The following TENM4 variants were observed in gnomAD, a reference collection of about 807,000 sequenced individuals.
TENM4 encodes the protein teneurin transmembrane protein 4.
In TENM4, 82 loss-of-function variants were observed where a neutral mutation model predicts 243.3. The observed-to-expected ratio is 0.34, with a 90% CI of 0.28 to 0.40. The LOEUF is 0.40. Among genes scored for constraint, TENM4 ranks in the 10% least tolerant of loss-of-function variants. The pLI is 1.00. For synonymous variants in TENM4, 1,412 were observed against 1,456.3 expected (o/e 0.97, Z 0.69); for missense variants, 3,138 against 3,673.3 (o/e 0.85, Z 3.77).
At chr11:78,708,706 G>C (rs990567610) in intron 26 of TENM4, among the ~76,000 whole-genome samples, 191 bp from the exon 27 acceptor site, 1 of 152,100 alleles carries the variant, frequency 6.6e-6, no homozygotes, top group Non-Finnish European at 1.5e-5. Flanking sequence ...TCAAAGCAGG[G>C]ATTAGAACTT....
At chr11:79,173,826 C>T (rs1312279589) in intron 3 of TENM4, among the ~76,000 whole-genome samples, 1 of 152,158 alleles carries the variant, frequency 6.6e-6, no homozygotes, top group Non-Finnish European at 1.5e-5. Context: ...ACAGTGAAAA[C>T]TGAAGTACAA....
chr11:79,357,257 C>T (rs1372514916), intron 1 of TENM4, among the ~76,000 whole-genome samples: 1 of 152,208 alleles, frequency 6.6e-6, no homozygotes, highest in Non-Finnish European at 1.5e-5. Flanking sequence ...GCATGATCTC[C>T]AATGCTACAC....
At chr11:79,123,615 T>TTA (rs55740742) in intron 4 of TENM4, among the ~76,000 whole-genome samples, 17 of 150,400 alleles carry the variant, frequency 1.1e-4, no homozygotes, top group African/African-American at 3.2e-4. Flanking sequence ...TTTTTTTTTT[T>TTA]ATTAAGAATT....
chr11:79,110,105 C>T (rs1279957350), intron 4 of TENM4, among the ~76,000 whole-genome samples: 8 of 152,202 alleles, frequency 5.3e-5, no homozygotes, highest in Non-Finnish European at 8.8e-5. Flanking sequence ...TCACCCTTTT[C>T]GTAGAAACAA....
At chr11:79,008,527 C>T (rs1279297345) in intron 6 of TENM4, among the ~76,000 whole-genome samples, 2 of 152,206 alleles carry the variant, frequency 1.3e-5, no homozygotes, top group South Asian at 4.1e-4. Context: ...CAGTTTTATA[C>T]CTTTTGCTTA....
At chr11:78,849,041 CT>C (rs2136191960) in intron 12 of TENM4, among the ~76,000 whole-genome samples, 1 of 152,314 alleles carries the variant, frequency 6.6e-6, no homozygotes, top group South Asian at 2.1e-4. Context: ...TTTCTTTTCT[CT>C]AGGTTTCTAA....
chr11:78,934,161 G>A (rs968497626), intron 6 of TENM4, among the ~76,000 whole-genome samples: 3 of 152,212 alleles, frequency 2.0e-5, no homozygotes, highest in African/African-American at 7.2e-5. Context: ...AGATCCTGCA[G>A]AAAGACAGAG....
chr11:78,960,412 T>G (rs1443985998), intron 6 of TENM4, among the ~76,000 whole-genome samples: 1 of 152,162 alleles, frequency 6.6e-6, no homozygotes, highest in South Asian at 2.1e-4. Context: ...GGGTAGGTAA[T>G]GACCGCCCTT....
At chr11:79,160,281 G>A (rs1234785229) in intron 3 of TENM4, among the ~76,000 whole-genome samples, 6 of 152,174 alleles carry the variant, frequency 3.9e-5, no homozygotes, top group Non-Finnish European at 7.4e-5. Context: ...AGAAACTGAT[G>A]TTCTTGTAAT....
chr11:79,010,139 G>C (rs1395077099), intron 6 of TENM4, among the ~76,000 whole-genome samples: 1 of 152,022 alleles, frequency 6.6e-6, no homozygotes, highest in African/African-American at 2.4e-5. Context: ...CCCAGTTTTG[G>C]GTATGTCTTT....
rs554543546 is a variant in TENM4, at chr11:79,148,351, G to A, written c.-66+359C>T. Among the ~76,000 whole-genome samples, 11 of 152,188 alleles carry A rather than the reference G, an allele frequency of 7.2e-5. No homozygotes were observed. The South Asian group carries it at 2.1e-3, about 29-fold the overall frequency. On this transcript the variant is annotated intron_variant, in intron 4 of 33. Transcript: ENST00000278550. ...TGGGAGAGCTCTACAAAAATCCTAA[G>A]TGTGGGGAGATACCAACCTCCAAAC...
Position 78,662,310 on chromosome 11 carries a change from C to T in TENM4, c.7409-719G>A, listed in dbSNP as rs1858051077. Among the ~76,000 whole-genome samples the T allele has an allele frequency of 6.6e-5, 10 of 151,932 alleles. 1 individual carries two copies. The South Asian group carries it at 2.1e-3, about 32-fold the overall frequency. ...GGGTTCAAGCAATTCCCTGTGTCAG[C>T]CTCCCGAGTAGCTGGGATTATAGGT... On this transcript the variant is annotated intron_variant, in intron 32 of 33. Transcript: ENST00000278550.
intron 29 of TENM4, 119 bp downstream of exon 29, chr11:78,687,935 T>C (rs1858725943): frequency 3.3e-6 from 4 of 1,205,912 alleles, no homozygotes; most frequent in Non-Finnish European, 4.7e-6. Flanking sequence ...ATACAGAGAG[T>C]TGCAATGCTT....
chr11:79,286,968 A>G (rs113464254), intron 2 of TENM4, among the ~76,000 whole-genome samples: 13 of 152,378 alleles, frequency 8.5e-5, no homozygotes, highest in African/African-American at 2.9e-4. Context: ...AGCTGTCTGC[A>G]TAGACCACAT....
intron 29 of TENM4, 119 bp downstream of exon 29, chr11:78,687,935 T>A: frequency 8.3e-7 from 1 of 1,205,912 alleles, no homozygotes; most frequent in Non-Finnish European, 1.2e-6. Context: ...ATACAGAGAG[T>A]TGCAATGCTT....
intron 1 of TENM4, among the ~76,000 whole-genome samples, chr11:79,426,945 A>C (rs556457374): frequency 3.3e-5 from 5 of 152,284 alleles, no homozygotes; most frequent in African/African-American, 1.2e-4. Flanking sequence ...CAGATCCAGG[A>C]AGCAAGATAT....
chr11:79,064,955 G>T lies in TENM4; in HGVS notation c.276C>A (p.His92Gln), dbSNP rs1001445184. The change falls in exon 6 of 34, where the codon CAC becomes CAA. Residue 92 changes from histidine to glutamine, a missense_variant. By Grantham distance (24) the His-to-Gln change is conservative. This residue lies in a region of TENM4 where 671 missense variants were observed against 614.1 expected (regional missense o/e 1.09). Transcript: ENST00000278550. ...ELGLEEVTPP[H>Q]GTLYRTDIGL... is the part of the protein sequence containing the mutation. Reference sequence around the variant, plus strand: ...CAATGTCTGTCCGGTACAGGGTCCCGTGAGGGGGCGTTACTTCTTCCAGCC... The same window carrying T: ...CAATGTCTGTCCGGTACAGGGTCCCTTGAGGGGGCGTTACTTCTTCCAGCC... 7 of 1,484,202 alleles carry T rather than the reference G, an allele frequency of 4.7e-6. No homozygotes were observed. The highest frequency in any genetic ancestry group is 6.3e-6 in the Non-Finnish European group (7 of 1,111,776). The allele number at this position is 1,484,202 out of a possible 1,614,324, so 91.9% of individuals were successfully genotyped here.
intron 3 of TENM4, among the ~76,000 whole-genome samples, chr11:79,172,152 C>T (rs1379979672): frequency 6.6e-6 from 1 of 152,184 alleles, no homozygotes; most frequent in Non-Finnish European, 1.5e-5. Flanking sequence ...CAGGGTCTTA[C>T]TACGTTTCCC....
At chr11:79,130,606 G>T (rs1356284663) in intron 4 of TENM4, among the ~76,000 whole-genome samples, 3 of 152,118 alleles carry the variant, frequency 2.0e-5, no homozygotes, top group African/African-American at 4.8e-5. Flanking sequence ...GGTGGATCAC[G>T]AGATCAGGAG....
Sources: allele counts gnomAD v4.1 joint callset (sites outside exome capture counted in the v4.1 genomes callset), GRCh38; gene constraint gnomAD v4.1.1; regional missense constraint gnomAD v4.1.1; transcripts MANE v1.5; gene names NCBI Gene and HGNC (gene_info 2026-07-23, HGNC 2026-07-21).